CCNY: variants seen among roughly 807,000 people sequenced by gnomAD.
The protein encoded by CCNY is cyclin-Y.
Under a neutral mutation model 42.8 loss-of-function variants are expected in CCNY, and 19 were observed. The ratio of observed to expected loss-of-function variants is 0.44; its 90% CI spans 0.31 to 0.65. The LOEUF (loss-of-function observed/expected upper bound fraction) is 0.65. CCNY is among the 30% of genes least tolerant of loss of function. The pLI, the probability that CCNY is intolerant of heterozygous loss-of-function variation, is 0.07. For missense variants in CCNY, 370 were observed against 437.3 expected (o/e 0.85, Z 1.37); for synonymous variants, 165 against 162.7 (o/e 1.01, Z -0.11).
At chr10:35,274,620 A>G (rs1835216053) in intron 3 of CCNY, among the ~76,000 whole-genome samples, 1 of 152,170 alleles carries the variant, frequency 6.6e-6, no homozygotes, top group African/African-American at 2.4e-5. Flanking sequence ...ATAGAGGACC[A>G]ATGTCTTATT....
At chr10:35,558,701 T>C (rs1282743006) in intron 8 of CCNY, among the ~76,000 whole-genome samples, 1 of 152,194 alleles carries the variant, frequency 6.6e-6, no homozygotes, top group Admixed American at 6.5e-5. Context: ...CACAGAGGGA[T>C]GGCCATGTGA....
intron 8 of CCNY, among the ~76,000 whole-genome samples, chr10:35,562,807 C>T (rs1050145541): frequency 3.9e-5 from 6 of 151,966 alleles, no homozygotes; most frequent in African/African-American, 1.2e-4. Flanking sequence ...CTTTGTTTCT[C>T]CTTCTTTTGG....
rs540212202 is a variant in CCNY at position 35,394,365 on chromosome 10, T to A, written c.154+57158T>A. ...AAACTGCCTTGATTCAATTAACATG[T>A]GCATTTTTCTTTAAAAGAATTTCGC... On this transcript the variant is annotated intron_variant, in intron 1 of 9. Transcript: ENST00000374704. 1.5e-4 allele frequency among the ~76,000 whole-genome samples: 23 copies of A among 152,384 alleles called. No homozygotes were observed. In the South Asian group the frequency reaches 4.8e-3, roughly 32 times the overall value.
intron 1 of CCNY, among the ~76,000 whole-genome samples, chr10:35,473,403 T>A (rs1263930887): frequency 1.3e-5 from 2 of 152,184 alleles, no homozygotes; most frequent in Non-Finnish European, 2.9e-5. Context: ...TTATAAGTTC[T>A]TCTTCTTCTT....
At chr10:35,273,711 G>A (rs963759012) in intron 3 of CCNY, among the ~76,000 whole-genome samples, 5 of 152,082 alleles carry the variant, frequency 3.3e-5, no homozygotes, top group African/African-American at 7.2e-5. Flanking sequence ...ATCAACTCTC[G>A]CGAACCACTT....
At chr10:35,342,592 CAGAG>C (rs774616785) in intron 1 of CCNY, among the ~76,000 whole-genome samples, 51 of 152,060 alleles carry the variant, frequency 3.4e-4, no homozygotes, top group Admixed American at 1.0e-3. Context: ...GACTGAATCT[CAGAG>C]AGGTGTAGTT....
intron 1 of CCNY, among the ~76,000 whole-genome samples, chr10:35,450,900 C>T (rs1838902146): frequency 6.6e-6 from 1 of 152,116 alleles, no homozygotes; most frequent in South Asian, 2.1e-4. Context: ...GCAGCTACTT[C>T]CTCTGGGACT....
intron 1 of CCNY, among the ~76,000 whole-genome samples, chr10:35,424,707 C>A (rs895692568): frequency 6.6e-6 from 1 of 152,222 alleles, no homozygotes; most frequent in African/African-American, 2.4e-5. Flanking sequence ...AGAGCCTAGT[C>A]TTGCAACTCC....
chr10:35,253,015 C>A (rs1253997640), intron 3 of CCNY, among the ~76,000 whole-genome samples: 1 of 152,084 alleles, frequency 6.6e-6, no homozygotes, highest in Non-Finnish European at 1.5e-5. Context: ...TGTGATAGGG[C>A]AAATGAGGAT....
intron 1 of CCNY, among the ~76,000 whole-genome samples, chr10:35,483,019 C>G (rs1264490766): frequency 1.3e-5 from 2 of 152,068 alleles, no homozygotes; most frequent in Non-Finnish European, 2.9e-5. Context: ...ATTTTAATCA[C>G]CTTGAATAAG....
At chr10:35,425,434 T>A (rs534854446) in intron 1 of CCNY, among the ~76,000 whole-genome samples, 23 of 152,352 alleles carry the variant, frequency 1.5e-4, no homozygotes, top group African/African-American at 5.1e-4. Flanking sequence ...GGAATACTCA[T>A]ACATGTTTGC....
Position 35,530,140 on chromosome 10 carries a change from C to A in CCNY, c.476C>A (p.Pro159Gln). Residue 159 changes from proline (P) to glutamine (Q), a missense_variant, in exon 7 of 10, where the codon CCA (proline) becomes CAA (glutamine). This residue lies in a region of CCNY where 234 missense variants were observed against 313.1 expected (regional missense o/e 0.75). Coordinates refer to ENST00000374704, the MANE Select transcript of CCNY (RefSeq NM_145012.6). The surrounding 1 kb of genome is among the most constrained non-coding windows in gnomAD (Gnocchi z 4.3). The part of the protein sequence containing the change: ...LHPLSKSEVP[P>Q]DYDKHNPEQK... ...CTTCCCCAGAAATCCGAAGTGCCACCAGATTATGACAAACACAACCCAGAG... is the reference window on the plus strand; with the variant it reads ...CTTCCCCAGAAATCCGAAGTGCCACAAGATTATGACAAACACAACCCAGAG... 6.2e-7 allele frequency: 1 copy of A among 1,614,178 alleles called. No individual in the cohort carries two copies. The highest frequency in any genetic ancestry group is 8.5e-7 in the Non-Finnish European group (1 of 1,180,028).
At chr10:35,312,541 T>C (rs1315870070) in intron 3 of CCNY, among the ~76,000 whole-genome samples, 2 of 151,978 alleles carry the variant, frequency 1.3e-5, no homozygotes, top group Admixed American at 6.6e-5. Flanking sequence ...GGCTGTCTAA[T>C]GTAGTACGAT....
chr10:35,339,461 T>C (rs1297426382), intron 1 of CCNY, among the ~76,000 whole-genome samples: 1 of 152,224 alleles, frequency 6.6e-6, no homozygotes, highest in Non-Finnish European at 1.5e-5. Flanking sequence ...TATGTCTGTA[T>C]TTGCTCATCT....
chr10:35,398,540 T>A (rs1837574095), intron 1 of CCNY, among the ~76,000 whole-genome samples: 1 of 152,138 alleles, frequency 6.6e-6, no homozygotes, highest in African/African-American at 2.4e-5. Context: ...GACCAACAGC[T>A]GTGTGTGATT....
intron 1 of CCNY, among the ~76,000 whole-genome samples, chr10:35,464,510 A>G (rs759851258): frequency 4.0e-5 from 6 of 149,222 alleles, no homozygotes; most frequent in Admixed American, 2.7e-4. Flanking sequence ...TCCTTCACCA[A>G]TTTTTTCTCA....
At chr10:35,378,431 T>G (rs1433069465) in intron 1 of CCNY, among the ~76,000 whole-genome samples, 13 of 151,994 alleles carry the variant, frequency 8.6e-5, no homozygotes, top group Admixed American at 8.5e-4. Flanking sequence ...GAAAAAAGGA[T>G]TTTTTGGGAG....
chr10:35,322,697 T>C (rs1835834625), intron 3 of CCNY, among the ~76,000 whole-genome samples: 1 of 152,208 alleles, frequency 6.6e-6, no homozygotes, highest in Non-Finnish European at 1.5e-5. Context: ...ATAGGCACTT[T>C]ACAAAGATAT....
chr10:35,380,145 A>C (rs1277575891), intron 1 of CCNY, among the ~76,000 whole-genome samples: 1 of 152,192 alleles, frequency 6.6e-6, no homozygotes, highest in Non-Finnish European at 1.5e-5. Context: ...TGGGTTAAGG[A>C]GGCTGCCAGG....
Sources: allele counts gnomAD v4.1 joint callset (sites outside exome capture counted in the v4.1 genomes callset), GRCh38; gene constraint gnomAD v4.1.1; regional missense constraint gnomAD v4.1.1; non-coding constraint Gnocchi (gnomAD v3.1); transcripts MANE v1.5; gene names NCBI Gene and HGNC (gene_info 2026-07-23, HGNC 2026-07-21).